MYO10: variants seen among roughly 807,000 people sequenced by gnomAD.
MYO10 encodes the protein myosin X.
A neutral mutation model predicts 257.3 loss-of-function variants in MYO10; 133 were observed. The ratio of observed to expected loss-of-function variants is 0.52; its 90% CI spans 0.45 to 0.60. The LOEUF is 0.60. Among genes scored for constraint, MYO10 ranks in the 20% least tolerant of loss-of-function variants. The pLI is 0.00. For synonymous variants in MYO10, 1,104 were observed against 1,028.6 expected, an observed-to-expected ratio of 1.07 and a Z score of -1.40; for missense variants, 2,399 against 2,635.7, an observed-to-expected ratio of 0.91 and a Z score of 1.97.
intron 26 of MYO10, among the ~76,000 whole-genome samples, chr5:16,698,290 G>A (rs1737853502): frequency 2.0e-5 from 3 of 152,178 alleles, no homozygotes; most frequent in Admixed American, 2.0e-4. Context: ...TTGAACCTGA[G>A]TTCAAGGCTG....
At chr5:16,683,141 T>TA (rs746266141) in intron 30 of MYO10, among the ~76,000 whole-genome samples, 16 of 152,182 alleles carry the variant, frequency 1.1e-4, no homozygotes, top group Non-Finnish European at 2.1e-4. Context: ...CCCAGCACTC[T>TA]AACTCTGCCA....
chr5:16,821,438 ATTTTCTTTTTTTTTTTTTTTTTTTTTTT>A (rs1742808211), intron 2 of MYO10, among the ~76,000 whole-genome samples: 1 of 73,240 alleles, frequency 1.4e-5, no homozygotes, highest in South Asian at 4.0e-4. Context: ...CTTTCCTCCT[ATTTTCTTTTTTTTTTTTTTTTTTTTTTT>A]TTTTTTTTTT....
intron 19 of MYO10, among the ~76,000 whole-genome samples, chr5:16,750,339 TCAG>T (rs1740344433): frequency 6.6e-6 from 1 of 152,062 alleles, no homozygotes; most frequent in Admixed American, 6.5e-5. Context: ...ACATATGCGT[TCAG>T]CATTTCAATT....
chr5:16,886,970 A>G (rs1043341026), intron 1 of MYO10, among the ~76,000 whole-genome samples: 2 of 151,584 alleles, frequency 1.3e-5, no homozygotes, highest in Non-Finnish European at 2.9e-5. Flanking sequence ...ACAAAAAAAC[A>G]CTATTGCCAC....
At chr5:16,806,900 C>A (rs547022673) in intron 3 of MYO10, among the ~76,000 whole-genome samples, 63 of 152,274 alleles carry the variant, frequency 4.1e-4, no homozygotes, top group Admixed American at 1.6e-3. Context: ...TCTGTTACCC[C>A]ACATGACCGC....
chr5:16,707,386 C>T (rs2126567166), intron 21 of MYO10, among the ~76,000 whole-genome samples: 1 of 152,320 alleles, frequency 6.6e-6, no homozygotes, highest in South Asian at 2.1e-4. Context: ...GGCATCAAAG[C>T]AGGCACCAAA....
intron 5 of MYO10, among the ~76,000 whole-genome samples, chr5:16,782,633 G>C (rs978574685): frequency 6.6e-6 from 1 of 152,096 alleles, no homozygotes; most frequent in Non-Finnish European, 1.5e-5. Flanking sequence ...ACAAAAACAG[G>C]CTGCAAGATA....
At chr5:16,927,169 A>G (rs1286390496) in intron 1 of MYO10, among the ~76,000 whole-genome samples, 2 of 152,024 alleles carry the variant, frequency 1.3e-5, no homozygotes, top group African/African-American at 4.8e-5. Flanking sequence ...TTCTCAATCA[A>G]CTCTTCAGTG....
At chr5:16,776,930 T>A (rs1208684196) in intron 9 of MYO10, among the ~76,000 whole-genome samples, 2 of 152,178 alleles carry the variant, frequency 1.3e-5, no homozygotes, top group African/African-American at 4.8e-5. Context: ...TCACAAATTA[T>A]TGTTCGTTAC....
At chr5:16,760,171 G>A (rs1476955999) in intron 17 of MYO10, among the ~76,000 whole-genome samples, 4 of 151,646 alleles carry the variant, frequency 2.6e-5, no homozygotes, top group Admixed American at 6.6e-5. Flanking sequence ...GTACACTTCC[G>A]CCGGGCATGG....
At chr5:16,790,968 T>C (rs1741733647) in intron 4 of MYO10, among the ~76,000 whole-genome samples, 1 of 151,698 alleles carries the variant, frequency 6.6e-6, no homozygotes, top group South Asian at 2.1e-4. Context: ...TTCATTTAAA[T>C]GTACACAAAA....
intron 1 of MYO10, among the ~76,000 whole-genome samples, chr5:16,919,769 G>A (rs1010674982): frequency 2.6e-5 from 4 of 152,208 alleles, no homozygotes; most frequent in African/African-American, 9.6e-5. Flanking sequence ...CTGAGGTCAG[G>A]AGTTTGAGAC....
intron 29 of MYO10, among the ~76,000 whole-genome samples, chr5:16,685,248 G>A (rs2126507879): frequency 6.6e-6 from 1 of 152,204 alleles, no homozygotes; most frequent in Admixed American, 6.5e-5. Context: ...AGGAGACAGG[G>A]TCAGGCTGCT....
intron 1 of MYO10, among the ~76,000 whole-genome samples, chr5:16,897,980 T>C (rs1223877405): frequency 6.6e-6 from 1 of 152,226 alleles, no homozygotes; most frequent in African/African-American, 2.4e-5. Flanking sequence ...TCTTTTGTTC[T>C]AAGAAAGAGC....
intron 1 of MYO10, among the ~76,000 whole-genome samples, chr5:16,880,087 G>A (rs150226228): frequency 1.1e-4 from 17 of 152,218 alleles, no homozygotes; most frequent in African/African-American, 4.1e-4. Flanking sequence ...GGCTGAGGCA[G>A]GAGAATTGCT....
intron 9 of MYO10, among the ~76,000 whole-genome samples, chr5:16,776,367 T>G (rs1028722451): frequency 1.4e-4 from 21 of 152,154 alleles, no homozygotes; most frequent in African/African-American, 5.1e-4. Context: ...CGGGTTAAAT[T>G]TTGCTATTAT....
At chr5:16,773,976 T>C (rs1379088949) in intron 9 of MYO10, among the ~76,000 whole-genome samples, 7 of 152,234 alleles carry the variant, frequency 4.6e-5, no homozygotes, top group Non-Finnish European at 1.0e-4. Flanking sequence ...CAGACATGTA[T>C]GCTAAAACTC....
rs33919452 is a variant in MYO10 at position 16,679,524 on chromosome 5, G to GTTTTTTTTTTTTTTTTTTTTTTTTTT, written c.4542+422_4542+423insAAAAAAAAAAAAAAAAAAAAAAAAAA. Among the ~76,000 whole-genome samples, 31 of 122,642 alleles carry GTTTTTTTTTTTTTTTTTTTTTTTTTT rather than the reference G, an allele frequency of 2.5e-4. 2 individuals carry two copies. Among genetic ancestry groups the GTTTTTTTTTTTTTTTTTTTTTTTTTT allele is most frequent in the African/African-American group, 8.4e-4 (26 of 31,078 alleles). The allele number at this position is 122,642 out of a possible 152,430, so 80.5% of individuals were successfully genotyped here. A position where few individuals can be genotyped will look rare whatever the true frequency, so the allele number is the denominator to read the frequency against. On this transcript the variant is annotated intron_variant, in intron 33 of 40. Transcript: ENST00000513610. ...TTAACCAAGCGCTAGTTTTTTGGGT[G>GTTTTTTTTTTTTTTTTTTTTTTTTTT]TTTTTTTTTTTTTTTTTTGAGACGA...
chr5:16,921,585 G>A (rs1267853203), intron 1 of MYO10, among the ~76,000 whole-genome samples: 14 of 147,066 alleles, frequency 9.5e-5, no homozygotes, highest in African/African-American at 3.5e-4. Flanking sequence ...AGGCCATTAG[G>A]AAACAGTAGA....
Sources: gnomAD v4.1 joint callset for allele counts (sites outside exome capture counted in the v4.1 genomes callset) on GRCh38, gnomAD v4.1.1 for gene constraint, MANE v1.5 for transcripts, NCBI Gene and HGNC (gene_info 2026-07-23, HGNC 2026-07-21) for gene names.